SNTG2: variants seen among roughly 807,000 people sequenced by gnomAD.
SNTG2 encodes the protein gamma-2-syntrophin.
A neutral mutation model predicts 70.9 loss-of-function variants in SNTG2; 74 were observed. The observed-to-expected ratio is 1.04, with a 90% CI of 0.86 to 1.27. The LOEUF is 1.27. Among genes scored for constraint, SNTG2 ranks in the 50% most tolerant of loss-of-function variants. SNTG2 has a pLI of 0.00. For synonymous variants in SNTG2, 278 were observed against 273.8 expected, an observed-to-expected ratio of 1.02 and a Z score of -0.15; for missense variants, 717 against 690.7, an observed-to-expected ratio of 1.04 and a Z score of -0.43.
chr2:1,333,340 G>A (rs1659631131), intron 16 of SNTG2, among the ~76,000 whole-genome samples: 1 of 152,126 alleles, frequency 6.6e-6, no homozygotes, highest in Non-Finnish European at 1.5e-5. Context: ...GGTTATGAAT[G>A]GGTAGGATCA....
At chr2:961,382 G>A (rs958314524) in intron 1 of SNTG2, among the ~76,000 whole-genome samples, 12 of 152,062 alleles carry the variant, frequency 7.9e-5, no homozygotes, top group Non-Finnish European at 1.6e-4. Context: ...CAAAGTGCTA[G>A]GATTACAGGA....
At chr2:1,133,018 T>C (rs1333072458) in intron 4 of SNTG2, among the ~76,000 whole-genome samples, 1 of 152,240 alleles carries the variant, frequency 6.6e-6, no homozygotes, top group East Asian at 1.9e-4. Context: ...CTGCTCAGTG[T>C]CTAATCAGAC....
chr2:971,003 G>T (rs1280709369), intron 1 of SNTG2, among the ~76,000 whole-genome samples: 1 of 152,182 alleles, frequency 6.6e-6, no homozygotes, highest in East Asian at 1.9e-4. Context: ...GAAACAACAG[G>T]TGCTGGAGAG....
intron 13 of SNTG2, among the ~76,000 whole-genome samples, chr2:1,266,443 C>T (rs1408164714): frequency 1.3e-5 from 2 of 152,218 alleles, no homozygotes; most frequent in Non-Finnish European, 2.9e-5. Flanking sequence ...CTGTAAGTAA[C>T]TTACATCTCT....
chr2:1,171,834 C>T (rs1388696518), intron 7 of SNTG2, among the ~76,000 whole-genome samples: 1 of 152,148 alleles, frequency 6.6e-6, no homozygotes, highest in African/African-American at 2.4e-5. Context: ...GCCATGGTAA[C>T]TCGCTGAACG....
At chr2:1,075,825 A>G (rs1377607050) in intron 1 of SNTG2, among the ~76,000 whole-genome samples, 1 of 152,262 alleles carries the variant, frequency 6.6e-6, no homozygotes, top group Non-Finnish European at 1.5e-5. Context: ...ATAACCTGCC[A>G]GAAAAATGAC....
At chr2:1,031,508 T>TTATATATATATATATATATA (rs1316440220) in intron 1 of SNTG2, among the ~76,000 whole-genome samples, 3 of 57,764 alleles carry the variant, frequency 5.2e-5, no homozygotes, top group African/African-American at 1.8e-4. Flanking sequence ...TAGTTCATTG[T>TTATATATATATATATATATA]TATATATATA....
At chr2:1,001,894 A>G (rs977483463) in intron 1 of SNTG2, among the ~76,000 whole-genome samples, 3 of 152,122 alleles carry the variant, frequency 2.0e-5, no homozygotes, top group African/African-American at 4.8e-5. Flanking sequence ...CCAAAAGAGC[A>G]TGGTCCTGAT....
intron 8 of SNTG2, among the ~76,000 whole-genome samples, chr2:1,175,257 C>T (rs901730705): frequency 1.8e-4 from 27 of 152,154 alleles, no homozygotes; most frequent in Non-Finnish European, 2.4e-4. Flanking sequence ...GCACCATGAG[C>T]GCAGGCGTGT....
At chr2:1,015,867 C>G (rs1659876720) in intron 1 of SNTG2, among the ~76,000 whole-genome samples, 1 of 152,202 alleles carries the variant, frequency 6.6e-6, no homozygotes, top group Non-Finnish European at 1.5e-5. Flanking sequence ...TCATCTGTAT[C>G]TGCTGCCCTG....
chr2:1,256,834 C>T (rs909283180), intron 12 of SNTG2, among the ~76,000 whole-genome samples: 2 of 152,036 alleles, frequency 1.3e-5, no homozygotes. Flanking sequence ...GCCTCTGGGA[C>T]TTGGAAGAGG....
intron 1 of SNTG2, among the ~76,000 whole-genome samples, chr2:1,078,970 A>G (rs546087571): frequency 4.2e-4 from 64 of 152,278 alleles, no homozygotes; most frequent in African/African-American, 9.9e-4. Context: ...TTTTGTTTTT[A>G]AATATTTTTA....
At chr2:1,198,203 A>G (rs556798959) in intron 8 of SNTG2, among the ~76,000 whole-genome samples, 1 of 152,244 alleles carries the variant, frequency 6.6e-6, no homozygotes, top group African/African-American at 2.4e-5. Flanking sequence ...AACCTTAGAA[A>G]CTATACCTAT....
intron 1 of SNTG2, among the ~76,000 whole-genome samples, chr2:1,070,903 G>T (rs1187733417): frequency 6.6e-6 from 1 of 152,188 alleles, no homozygotes; most frequent in Non-Finnish European, 1.5e-5. Context: ...CCCTGATGAG[G>T]GTGTGCAGTG....
At chr2:967,948 C>A (rs1221978396) in intron 1 of SNTG2, among the ~76,000 whole-genome samples, 3 of 152,020 alleles carry the variant, frequency 2.0e-5, no homozygotes, top group African/African-American at 7.2e-5. Flanking sequence ...TTGCTTGAAC[C>A]CAGGAGACGG....
intron 1 of SNTG2, among the ~76,000 whole-genome samples, chr2:967,301 A>G (rs1017395301): frequency 2.0e-5 from 3 of 152,184 alleles, no homozygotes; most frequent in African/African-American, 7.2e-5. Flanking sequence ...CTTATTCCCT[A>G]TCTTAAAGGA....
At chr2:1,030,844 A>G (rs1220892936) in intron 1 of SNTG2, among the ~76,000 whole-genome samples, 1 of 152,202 alleles carries the variant, frequency 6.6e-6, no homozygotes, top group African/African-American at 2.4e-5. Context: ...GTTCTGCTGC[A>G]GAAGAGCCAC....
chr2:1,297,535 C>A (rs894355128), intron 14 of SNTG2, among the ~76,000 whole-genome samples: 3 of 152,054 alleles, frequency 2.0e-5, no homozygotes, highest in African/African-American at 7.2e-5. Context: ...CCCTGCACCT[C>A]TGCAGCTCCT....
chr2:1,325,652 C>A (rs1468262585), intron 16 of SNTG2, among the ~76,000 whole-genome samples: 1 of 152,162 alleles, frequency 6.6e-6, no homozygotes, highest in African/African-American at 2.4e-5. Flanking sequence ...AGATTCAAAG[C>A]TTTTACTGTA....
Sources: gnomAD v4.1 joint callset for allele counts (sites outside exome capture counted in the v4.1 genomes callset) on GRCh38, gnomAD v4.1.1 for gene constraint, MANE v1.5 for transcripts, NCBI Gene and HGNC (gene_info 2026-07-23, HGNC 2026-07-21) for gene names.